Variants in WWOX observed in about 807,000 individuals in gnomAD.
WWOX encodes WW domain-containing oxidoreductase.
In WWOX, 69 loss-of-function variants were observed where a neutral mutation model predicts 46.2. That is an observed-to-expected ratio of 1.49 (90% CI 1.23 to 1.82). WWOX has a LOEUF of 1.82. WWOX is among the 40% of genes most tolerant of loss of function. The pLI is 0.00. For missense variants in WWOX, 919 were observed against 542.6 expected, an observed-to-expected ratio of 1.69 and a Z score of -6.89; for synonymous variants, 359 against 202.6, an observed-to-expected ratio of 1.77 and a Z score of -6.56.
chr16:78,102,805 C>T (rs1418367862), intron 1 of WWOX, among the ~76,000 whole-genome samples: 1 of 152,182 alleles, frequency 6.6e-6, no homozygotes, highest in Non-Finnish European at 1.5e-5. Context: ...CAGTGCTTGG[C>T]ACCCAGAAGC....
chr16:79,200,190 G>C (rs114759673), intron 8 of WWOX, among the ~76,000 whole-genome samples: 13 of 152,250 alleles, frequency 8.5e-5, no homozygotes, highest in African/African-American at 3.1e-4. Flanking sequence ...CCAGAGGCCT[G>C]GTGGGAAGCC....
At chr16:78,809,116 T>G (rs1383785141) in intron 8 of WWOX, among the ~76,000 whole-genome samples, 8 of 152,132 alleles carry the variant, frequency 5.3e-5, no homozygotes, top group African/African-American at 7.2e-5. Flanking sequence ...GTGGGCTGTT[T>G]CTGTCTGTTC....
chr16:78,945,308 A>G (rs908296098), intron 8 of WWOX, among the ~76,000 whole-genome samples: 4 of 152,206 alleles, frequency 2.6e-5, no homozygotes, highest in East Asian at 1.9e-4. Context: ...GAGTTGAGCA[A>G]TTTGATTTGA....
chr16:78,220,800 C>CT (rs2036862388), intron 5 of WWOX, among the ~76,000 whole-genome samples: 1 of 152,110 alleles, frequency 6.6e-6, no homozygotes, highest in South Asian at 2.1e-4. Flanking sequence ...TAGTTAGCGG[C>CT]TAGGGAAGGG....
intron 8 of WWOX, among the ~76,000 whole-genome samples, chr16:78,710,170 G>C (rs1186199623): frequency 6.6e-6 from 1 of 151,954 alleles, no homozygotes; most frequent in African/African-American, 2.4e-5. Context: ...ACCACCTAGA[G>C]GCCTAAGAAC....
Position 78,451,058 on chromosome 16 carries a change from T to C in WWOX, c.1056+18306T>C, listed in dbSNP as rs2083679181. Among the ~76,000 whole-genome samples the C allele has an allele frequency of 2.6e-5, 4 of 152,228 alleles. No individual in the cohort carries two copies. In the South Asian group the frequency reaches 6.2e-4, roughly 24 times the overall value. ...TGGACTGTGGTTTGCTTTCCCGTTA[T>C]ACTTAAGCTTGTTTATTGCATCTTC... On this transcript the variant is annotated intron_variant, in intron 8 of 8. Coordinates refer to ENST00000566780, the MANE Select transcript of WWOX (RefSeq NM_016373.4).
chr16:79,098,897 G>A (rs556343433), intron 8 of WWOX, among the ~76,000 whole-genome samples: 2 of 152,068 alleles, frequency 1.3e-5, no homozygotes, highest in African/African-American at 4.8e-5. Flanking sequence ...AGTTTTGTCC[G>A]TTTTGTGTTG....
intron 8 of WWOX, among the ~76,000 whole-genome samples, chr16:79,035,265 G>A (rs2047843312): frequency 6.6e-6 from 1 of 152,124 alleles, no homozygotes; most frequent in Admixed American, 6.5e-5. Context: ...ATTGGCCCTG[G>A]CTCTACTCCT....
chr16:78,397,290 GATA>G (rs1482312777), intron 6 of WWOX, among the ~76,000 whole-genome samples: 1 of 152,116 alleles, frequency 6.6e-6, no homozygotes, highest in Non-Finnish European at 1.5e-5. Flanking sequence ...ATATAATGAT[GATA>G]ATAATTGCTA....
chr16:78,128,818 G>T (rs1207053635), intron 4 of WWOX, among the ~76,000 whole-genome samples: 3 of 152,166 alleles, frequency 2.0e-5, no homozygotes, highest in Non-Finnish European at 2.9e-5. Context: ...CTGTGTGGCT[G>T]TGTGATACAG....
intron 8 of WWOX, among the ~76,000 whole-genome samples, chr16:79,142,836 C>G (rs2050115787): frequency 6.6e-6 from 1 of 152,024 alleles, no homozygotes; most frequent in African/African-American, 2.4e-5. Flanking sequence ...GTAGCTGGGA[C>G]TACAGGGACA....
chr16:78,467,990 T>TG (rs1012000983), intron 8 of WWOX, among the ~76,000 whole-genome samples: 1 of 152,136 alleles, frequency 6.6e-6, no homozygotes, highest in Admixed American at 6.5e-5. Context: ...ATCTTGGGGA[T>TG]GGGGGGTTCC....
rs964685301 is a variant in WWOX, at chr16:79,151,363, C to T, written c.1057-60245C>T. On this transcript the variant is annotated intron_variant, in intron 8 of 8. Coordinates refer to ENST00000566780, the MANE Select transcript of WWOX (RefSeq NM_016373.4). ...TCCAGCAGGTGTTGTGTGGATTCCCCCAAATCCGTAGGCTCTTATTTCCTA... is the reference window on the plus strand; with the variant it reads ...TCCAGCAGGTGTTGTGTGGATTCCCTCAAATCCGTAGGCTCTTATTTCCTA... 2.6e-5 allele frequency among the ~76,000 whole-genome samples: 4 copies of T among 152,292 alleles called. 1 individual carries two copies. Among genetic ancestry groups the T allele is most frequent in the Admixed American group, 1.3e-4 (2 of 15,302 alleles).
rs1293820812 is a variant in WWOX, at chr16:78,186,670, CAGG to C, written c.516+22384_516+22386del. ...ATCCCAGCTACTGAGGAGGCTGAGG[CAGG>C]AGAATTGCTTGAACTTGGGAGGCAG... On this transcript the variant is annotated intron_variant, in intron 5 of 8. Transcript: ENST00000566780. Among the ~76,000 whole-genome samples, 8 of 152,170 alleles carry C rather than the reference CAGG, an allele frequency of 5.3e-5. No homozygotes were observed. The East Asian group carries it at 1.5e-3, about 29-fold the overall frequency.
intron 4 of WWOX, among the ~76,000 whole-genome samples, chr16:78,115,805 C>A (rs562140245): frequency 6.6e-6 from 1 of 152,218 alleles, no homozygotes; most frequent in African/African-American, 2.4e-5. Context: ...TTGCTTTGAT[C>A]TATTTACATA....
chr16:78,812,892 C>G (rs1315875431), intron 8 of WWOX, among the ~76,000 whole-genome samples: 1 of 152,132 alleles, frequency 6.6e-6, no homozygotes, highest in Non-Finnish European at 1.5e-5. Flanking sequence ...TTCTTAAACA[C>G]ATATATTTTT....
intron 8 of WWOX, among the ~76,000 whole-genome samples, chr16:78,806,451 T>C (rs1389927714): frequency 6.6e-6 from 1 of 152,192 alleles, no homozygotes; most frequent in Non-Finnish European, 1.5e-5. Flanking sequence ...TTGTCTCTGC[T>C]CCAGCATCAG....
intron 8 of WWOX, among the ~76,000 whole-genome samples, chr16:78,550,385 T>C (rs1442381293): frequency 6.6e-6 from 1 of 152,188 alleles, no homozygotes; most frequent in Non-Finnish European, 1.5e-5. Context: ...AGCACATAGA[T>C]AATCTATAAG....
At chr16:78,890,323 T>TCTTAAATTTGACTTCCATCATG (rs2044561945) in intron 8 of WWOX, 1 of 150,994 alleles carries the variant, frequency 6.6e-6, no homozygotes, top group African/African-American at 2.5e-5. Context: ...TCTCCATCAT[T>TCTTAAATTTGACTTCCATCATG]CTTAAATTTG....
Sources: allele counts gnomAD v4.1 joint callset (sites outside exome capture counted in the v4.1 genomes callset), GRCh38; gene constraint gnomAD v4.1.1; transcripts MANE v1.5; gene names NCBI Gene and HGNC (gene_info 2026-07-23, HGNC 2026-07-21).